The following RBFOX1 variants were observed in gnomAD, a reference collection of about 807,000 sequenced individuals.
The protein encoded by RBFOX1 is RNA binding fox-1 homolog 1, also known as RNA binding protein fox-1 homolog 1.
A neutral mutation model predicts 57.7 loss-of-function variants in RBFOX1; 8 were observed. The observed-to-expected ratio is 0.14, with a 90% confidence interval of 0.08 to 0.25. The LOEUF (loss-of-function observed/expected upper bound fraction) is 0.25. Ranked by LOEUF, RBFOX1 falls within the 10% of genes least tolerant of loss-of-function variation. The pLI, the probability that RBFOX1 is intolerant of heterozygous loss-of-function variation, is 1.00. For synonymous variants in RBFOX1, 326 were observed against 222.4 expected (o/e 1.47, Z -4.15); for missense variants, 611 against 548.5 (o/e 1.11, Z -1.14).
At chr16:6,767,504 G>C (rs1013198166) in intron 3 of RBFOX1, among the ~76,000 whole-genome samples, 4 of 152,092 alleles carry the variant, frequency 2.6e-5, no homozygotes, top group South Asian at 4.1e-4. Context: ...AAGCCAATTT[G>C]AGCCAGTGTT....
At chr16:6,462,475 G>A (rs181775797) in intron 2 of RBFOX1, among the ~76,000 whole-genome samples, 22 of 152,204 alleles carry the variant, frequency 1.4e-4, no homozygotes, top group Admixed American at 3.9e-4. Flanking sequence ...GTATGGATGC[G>A]TCACTATTTG....
chr16:6,668,274 C>T (rs1427690072), intron 3 of RBFOX1, among the ~76,000 whole-genome samples: 1 of 152,160 alleles, frequency 6.6e-6, no homozygotes, highest in Non-Finnish European at 1.5e-5. Context: ...CATGTGGGTT[C>T]TCCCAGAAAG....
chr16:5,840,879 G>A (rs2151846075), intron 3 of RBFOX1, among the ~76,000 whole-genome samples: 1 of 152,288 alleles, frequency 6.6e-6, no homozygotes, highest in Non-Finnish European at 1.5e-5. Flanking sequence ...TGGACTGCCA[G>A]AAGCTTCCTG....
chr16:5,788,574 A>C (rs1213972384), intron 3 of RBFOX1, among the ~76,000 whole-genome samples: 1 of 152,208 alleles, frequency 6.6e-6, no homozygotes, highest in Non-Finnish European at 1.5e-5. Context: ...GTTTGCAGTG[A>C]GCCGGGATCG....
chr16:6,634,065 CTACACACACACA>C (rs541887337), intron 2 of RBFOX1, among the ~76,000 whole-genome samples: 163 of 148,954 alleles, frequency 1.1e-3, no homozygotes, highest in African/African-American at 3.2e-3. Context: ...TTGAATAAAC[CTACACACACACA>C]TACACACACA....
rs1879826977 is a variant in RBFOX1, at chr16:6,651,678, C to T, written c.-63-2925C>T. ...CCTCAAAAAATGAAACATTGAATTA[C>T]CATAGGGTTTGGCAATCTCACTTCT... is the stretch of plus-strand genomic sequence containing the variant. On this transcript the variant is annotated intron_variant, in intron 2 of 15. Coordinates refer to ENST00000550418, the MANE Select transcript of RBFOX1 (RefSeq NM_018723.4). Among the ~76,000 whole-genome samples the T allele has an allele frequency of 2.6e-5, 4 of 152,218 alleles. No individual in the cohort carries two copies. The South Asian group carries it at 6.2e-4, about 24-fold the overall frequency.
intron 1 of RBFOX1, among the ~76,000 whole-genome samples, chr16:6,298,809 C>T (rs894297339): frequency 8.5e-5 from 13 of 152,144 alleles, no homozygotes. Context: ...CAAGTGCAAT[C>T]TGATATTTAA....
intron 3 of RBFOX1, among the ~76,000 whole-genome samples, chr16:6,753,571 G>A (rs1354809484): frequency 1.3e-5 from 2 of 152,048 alleles, no homozygotes; most frequent in African/African-American, 2.4e-5. Flanking sequence ...TCTTAATAGA[G>A]ACTGTGCAAT....
chr16:5,510,222 C>A (rs2043533509), intron 2 of RBFOX1, among the ~76,000 whole-genome samples: 1 of 152,230 alleles, frequency 6.6e-6, no homozygotes, highest in African/African-American at 2.4e-5. Flanking sequence ...GAAGAAACAT[C>A]CCAGACCTCA....
chr16:6,130,300 A>AT (rs1320769742), intron 1 of RBFOX1, among the ~76,000 whole-genome samples: 1 of 152,134 alleles, frequency 6.6e-6, no homozygotes, highest in Non-Finnish European at 1.5e-5. Context: ...TAGTTTTTAT[A>AT]TTTTAACAGA....
chr16:5,814,255 C>T (rs946958850), intron 3 of RBFOX1, among the ~76,000 whole-genome samples: 3 of 152,158 alleles, frequency 2.0e-5, no homozygotes, highest in Non-Finnish European at 4.4e-5. Context: ...AACTGTATCA[C>T]TGTTACCTTG....
upstream of RBFOX1, among the ~76,000 whole-genome samples, chr16:6,014,663 G>C (rs2094982435): frequency 6.6e-6 from 1 of 152,158 alleles, no homozygotes; most frequent in South Asian, 2.1e-4. Context: ...CCGTTTGTGA[G>C]AAAGCCTTCA....
chr16:5,937,973 A>G (rs1374552256), intron 4 of RBFOX1, among the ~76,000 whole-genome samples: 1 of 152,106 alleles, frequency 6.6e-6, no homozygotes, highest in Non-Finnish European at 1.5e-5. Context: ...TACTTTGCTT[A>G]TTTGAATAGT....
chr16:6,125,318 G>C (rs918859017), intron 1 of RBFOX1, among the ~76,000 whole-genome samples: 1 of 152,170 alleles, frequency 6.6e-6, no homozygotes, highest in Non-Finnish European at 1.5e-5. Flanking sequence ...AAGAAGAGGT[G>C]GGTCTACTTA....
chr16:5,333,746 T>C (rs1596551501), intron 1 of RBFOX1, among the ~76,000 whole-genome samples: 3 of 152,378 alleles, frequency 2.0e-5, no homozygotes, highest in African/African-American at 7.2e-5. Context: ...GGCTATATTA[T>C]GGTGTACTTA....
intron 1 of RBFOX1, among the ~76,000 whole-genome samples, chr16:6,059,525 T>A (rs568247892): frequency 2.4e-4 from 36 of 152,330 alleles, no homozygotes; most frequent in African/African-American, 7.9e-4. Flanking sequence ...AATGTATTTT[T>A]AAGTGAAAAT....
intron 3 of RBFOX1, among the ~76,000 whole-genome samples, chr16:6,942,444 C>G (rs1225563305): frequency 6.6e-6 from 1 of 152,120 alleles, no homozygotes; most frequent in Non-Finnish European, 1.5e-5. Flanking sequence ...CAGTTTTGAG[C>G]CATTGTGCCC....
At chr16:5,659,679 A>C (rs2049582286) in intron 3 of RBFOX1, among the ~76,000 whole-genome samples, 1 of 152,194 alleles carries the variant, frequency 6.6e-6, no homozygotes, top group Admixed American at 6.5e-5. Context: ...GAGTCTGAAA[A>C]TGTGGCTGTG....
intron 14 of RBFOX1, among the ~76,000 whole-genome samples, chr16:7,683,445 T>C (rs2075364749): frequency 6.6e-6 from 1 of 152,000 alleles, no homozygotes; most frequent in South Asian, 2.1e-4. Context: ...TATGCACTAT[T>C]GGATGAATAT....
Sources: allele counts gnomAD v4.1 joint callset (sites outside exome capture counted in the v4.1 genomes callset), GRCh38; gene constraint gnomAD v4.1.1; transcripts MANE v1.5; gene names NCBI Gene and HGNC (gene_info 2026-07-23, HGNC 2026-07-21).